The following RGS6 variants were observed in gnomAD, a reference collection of about 807,000 sequenced individuals.
The protein encoded by RGS6 is regulator of G protein signaling 6, also known as regulator of G-protein signaling 6.
In RGS6, 30 loss-of-function variants were observed where a neutral mutation model predicts 78.5. That is an observed-to-expected ratio of 0.38 (90% CI 0.29 to 0.52). The LOEUF (loss-of-function observed/expected upper bound fraction) is 0.52, where lower values mean the gene tolerates loss of function less well. Among genes scored for constraint, RGS6 ranks in the 20% least tolerant of loss-of-function variants. RGS6 has a pLI of 0.85. For synonymous variants in RGS6, 206 were observed against 206.0 expected (o/e 1.00, Z 0.00); for missense variants, 495 against 609.7 (o/e 0.81, Z 1.98).
intron 2 of RGS6, among the ~76,000 whole-genome samples, chr14:72,039,138 C>T (rs867406962): frequency 1.3e-5 from 2 of 152,086 alleles, no homozygotes; most frequent in Admixed American, 1.3e-4. Flanking sequence ...AAGTAAATTA[C>T]ATATTCATCT....
At chr14:72,044,907 C>CA (rs1412991308) in intron 2 of RGS6, among the ~76,000 whole-genome samples, 2 of 151,928 alleles carry the variant, frequency 1.3e-5, no homozygotes, top group African/African-American at 4.8e-5. Context: ...CAAAAAAACC[C>CA]AAAAAACTCC....
In RGS6 at chr14:72,163,680, C is replaced by T. The variant is rs529598591; in HGVS notation, c.85-188415C>T. On this transcript the variant is annotated intron_variant, in intron 2 of 17. Coordinates refer to ENST00000553525, the MANE Select transcript of RGS6 (RefSeq NM_001204424.2). Reference sequence around the variant, plus strand: ...TGGGCGGATCACGAGGTCAGGCGTTCGAGACCAGCCTGGCCAACGTGGTGA... The same window carrying T: ...TGGGCGGATCACGAGGTCAGGCGTTTGAGACCAGCCTGGCCAACGTGGTGA... Among the ~76,000 whole-genome samples, 64 of 152,176 alleles carry T rather than the reference C, an allele frequency of 4.2e-4. 1 individual carries two copies. The highest frequency in any genetic ancestry group is 1.7e-3 in the South Asian group (8 of 4,816).
chr14:72,176,292 TG>T (rs1216628469), intron 2 of RGS6, among the ~76,000 whole-genome samples: 2 of 152,108 alleles, frequency 1.3e-5, no homozygotes, highest in South Asian at 2.1e-4. Context: ...CACCCCTCAT[TG>T]GGGGAGATGA....
the RGS6 span, among the ~76,000 whole-genome samples, chr14:72,589,706 T>C: frequency 6.6e-6 from 1 of 152,204 alleles, no homozygotes; most frequent in African/African-American, 2.4e-5. Flanking sequence ...AGGATATGCA[T>C]TATTAGAGCA....
chr14:72,371,531 G>A (rs2083503327), intron 3 of RGS6, among the ~76,000 whole-genome samples: 2 of 152,162 alleles, frequency 1.3e-5, no homozygotes, highest in South Asian at 4.1e-4. Context: ...GGAGGCCAAG[G>A]CGGGCGGATC....
intron 2 of RGS6, among the ~76,000 whole-genome samples, chr14:72,260,114 A>G (rs1170495692): frequency 6.6e-6 from 1 of 152,178 alleles, no homozygotes; most frequent in East Asian, 1.9e-4. Context: ...GTATCACAGG[A>G]AAGACATGTT....
chr14:72,278,733 T>G (rs994151098), intron 2 of RGS6, among the ~76,000 whole-genome samples: 3 of 152,226 alleles, frequency 2.0e-5, no homozygotes, highest in African/African-American at 7.2e-5. Flanking sequence ...TGCTGGAGTT[T>G]GAAGTCTGTA....
intron 1 of RGS6, among the ~76,000 whole-genome samples, chr14:71,949,439 T>A (rs953488210): frequency 1.3e-5 from 2 of 151,506 alleles, no homozygotes; most frequent in African/African-American, 2.4e-5. Flanking sequence ...GCCTTTTTAA[T>A]TTTTTTTTGC....
intron 2 of RGS6, among the ~76,000 whole-genome samples, chr14:72,100,545 A>G (rs1354058569): frequency 6.6e-6 from 1 of 152,170 alleles, no homozygotes; most frequent in East Asian, 1.9e-4. Flanking sequence ...CTAAGAAGGC[A>G]TCGTGCGGAC....
At chr14:72,246,778 C>T (rs929010337) in intron 2 of RGS6, among the ~76,000 whole-genome samples, 10 of 151,898 alleles carry the variant, frequency 6.6e-5, no homozygotes, top group African/African-American at 1.5e-4. Flanking sequence ...GGCATGGTGG[C>T]GTCTGTAGTC....
intron 1 of RGS6, among the ~76,000 whole-genome samples, chr14:71,953,698 T>C (rs1249871776): frequency 9.9e-5 from 15 of 151,554 alleles, no homozygotes; most frequent in South Asian, 2.1e-4. Context: ...TTCAAAAGGG[T>C]CTATTTTTTT....
intron 2 of RGS6, among the ~76,000 whole-genome samples, chr14:71,989,993 A>G (rs890303700): frequency 4.0e-5 from 6 of 151,644 alleles, no homozygotes; most frequent in Non-Finnish European, 7.4e-5. Context: ...AAAGAGGGTT[A>G]TTTAGCTCAC....
chr14:72,096,934 A>G (rs1362301238), intron 2 of RGS6, among the ~76,000 whole-genome samples: 6 of 152,188 alleles, frequency 3.9e-5, no homozygotes, highest in African/African-American at 1.4e-4. Flanking sequence ...TGAAAGGGTT[A>G]TCAAAAGCTG....
chr14:72,227,411 G>A (rs1317910113), intron 2 of RGS6, among the ~76,000 whole-genome samples: 1 of 152,012 alleles, frequency 6.6e-6, no homozygotes, highest in African/African-American at 2.4e-5. Flanking sequence ...CACTGCATGG[G>A]GCTTGGAACA....
chr14:72,195,768 A>G (rs1304240270), intron 2 of RGS6, among the ~76,000 whole-genome samples: 1 of 152,196 alleles, frequency 6.6e-6, no homozygotes, highest in Non-Finnish European at 1.5e-5. Context: ...AGTCACAGAA[A>G]GGTGGCCTCT....
chr14:72,490,209 T>G (rs573754058), intron 12 of RGS6, among the ~76,000 whole-genome samples: 8 of 152,284 alleles, frequency 5.3e-5, no homozygotes, highest in African/African-American at 1.7e-4. Flanking sequence ...ATAAGTCTCA[T>G]GAGATCTGAT....
chr14:72,425,555 G>A (rs1281798563), intron 3 of RGS6, among the ~76,000 whole-genome samples: 1 of 152,148 alleles, frequency 6.6e-6, no homozygotes, highest in Non-Finnish European at 1.5e-5. Context: ...AATACCGATG[G>A]CCAATAAATG....
At chr14:72,575,348 T>A in the RGS6 span, among the ~76,000 whole-genome samples, 1 of 152,070 alleles carries the variant, frequency 6.6e-6, no homozygotes, top group South Asian at 2.1e-4. Flanking sequence ...GAAGGTGGAA[T>A]GGAGGAAGAC....
At position 72,287,186 on chromosome 14, in the gene RGS6, T is replaced by G. The variant is rs111681218; in HGVS notation, c.85-64909T>G. ...TTTGTTTCCTGATATTTCACTGAAT[T>G]TATTTATTAGTTCTAACAGTTTTTG... On this transcript the variant is annotated intron_variant, in intron 2 of 17. Coordinates refer to ENST00000553525, the MANE Select transcript of RGS6 (RefSeq NM_001204424.2). Among the ~76,000 whole-genome samples, 330 of 152,344 alleles carry G rather than the reference T, an allele frequency of 2.2e-3. 1 individual carries two copies. The highest frequency in any genetic ancestry group is 7.2e-3 in the African/African-American group (298 of 41,586).
Sources: allele counts gnomAD v4.1 joint callset (sites outside exome capture counted in the v4.1 genomes callset), GRCh38; gene constraint gnomAD v4.1.1; transcripts MANE v1.5; gene names NCBI Gene and HGNC (gene_info 2026-07-23, HGNC 2026-07-21).